The following PRKCB variants were observed in gnomAD, a reference collection of about 807,000 sequenced individuals.
PRKCB encodes protein kinase C beta.
PRKCB carries 13 observed loss-of-function variants against 81.5 expected under a neutral mutation model. That is an observed-to-expected ratio of 0.16 (90% CI 0.10 to 0.25). PRKCB has a LOEUF of 0.25. Ranked by LOEUF, PRKCB falls within the 10% of genes least tolerant of loss-of-function variation. The pLI, the probability that PRKCB is intolerant of heterozygous loss-of-function variation, is 1.00. For synonymous variants in PRKCB, 335 were observed against 321.4 expected (o/e 1.04, Z -0.45); for missense variants, 509 against 875.7 (o/e 0.58, Z 5.29).
chr16:24,087,021 A>C (rs1966318026), intron 5 of PRKCB, among the ~76,000 whole-genome samples: 1 of 152,014 alleles, frequency 6.6e-6, no homozygotes, highest in Non-Finnish European at 1.5e-5. Context: ...TTGGTTTAGC[A>C]TTTTCTCTAC....
chr16:24,065,108 T>A lies in PRKCB; in HGVS notation c.530-27683T>A, dbSNP rs139487590. On this transcript the variant is annotated intron_variant, in intron 5 of 16. Coordinates refer to ENST00000643927, the MANE Select transcript of PRKCB (RefSeq NM_002738.7). ...TTTCCCTTTCAGTCTTTCTGTAGCC[T>A]TACATTTAGAGTGTGTCTTTTATAA... 3.7e-3 allele frequency among the ~76,000 whole-genome samples: 549 copies of A among 149,974 alleles called. 1 individual carries two copies. The highest frequency in any genetic ancestry group is 0.012 in the African/African-American group (509 of 41,208).
At chr16:24,176,787 G>A (rs12448102) in intron 12 of PRKCB, among the ~76,000 whole-genome samples, 22,979 of 151,800 alleles carry the variant, frequency 0.15, 2,201 homozygotes, top group South Asian at 0.31. Context: ...CCAGCCACTC[G>A]GGAGGCTGAG....
In PRKCB at chr16:24,123,211, G is replaced by A. The variant is rs530912516; in HGVS notation, c.919-624G>A. On this transcript the variant is annotated intron_variant, in intron 8 of 16. Coordinates refer to ENST00000643927, the MANE Select transcript of PRKCB (RefSeq NM_002738.7). ...CATGAAAATGTGAACCCCAAGCTGG[G>A]TTGCTGAAGGGGAGAGAATAGCCAT... 3.9e-5 allele frequency among the ~76,000 whole-genome samples: 6 copies of A among 152,314 alleles called. No individual in the cohort carries two copies. The East Asian group carries it at 7.7e-4, about 20-fold the overall frequency.
At chr16:24,197,507 G>A (rs1424201240) in intron 16 of PRKCB, among the ~76,000 whole-genome samples, 3 of 152,050 alleles carry the variant, frequency 2.0e-5, no homozygotes, top group African/African-American at 7.3e-5. Context: ...AAGGAAAAGG[G>A]GGTGTGAGAT....
At chr16:23,945,267 G>C (rs772133129) in intron 2 of PRKCB, among the ~76,000 whole-genome samples, 1 of 152,210 alleles carries the variant, frequency 6.6e-6, no homozygotes, top group African/African-American at 2.4e-5. Context: ...TATGTGTGGT[G>C]AGTGTGGGTG....
chr16:24,082,175 T>G (rs1376664868), intron 5 of PRKCB, among the ~76,000 whole-genome samples: 1 of 152,188 alleles, frequency 6.6e-6, no homozygotes, highest in East Asian at 1.9e-4. Context: ...CTAGAATCTA[T>G]ATGCTAAAAA....
intron 2 of PRKCB, among the ~76,000 whole-genome samples, chr16:23,851,813 T>G (rs1202974249): frequency 2.6e-5 from 4 of 152,174 alleles, no homozygotes; most frequent in Non-Finnish European, 5.9e-5. Context: ...TTGGATACAT[T>G]TACACCTAAG....
intron 2 of PRKCB, among the ~76,000 whole-genome samples, chr16:23,911,127 G>GTTTTT (rs1567310884): frequency 8.5e-5 from 1 of 11,786 alleles, no homozygotes; most frequent in Non-Finnish European, 1.7e-4. Flanking sequence ...ACGTATATAT[G>GTTTTT]CTTTTTTTTT....
intron 8 of PRKCB, among the ~76,000 whole-genome samples, chr16:24,116,119 C>A (rs1966734921): frequency 6.6e-6 from 1 of 152,140 alleles, no homozygotes; most frequent in African/African-American, 2.4e-5. Context: ...AGTTCTAGGG[C>A]TCTAAATTGC....
intron 16 of PRKCB, among the ~76,000 whole-genome samples, chr16:24,213,723 C>A (rs1250051579): frequency 6.6e-6 from 1 of 152,146 alleles, no homozygotes; most frequent in African/African-American, 2.4e-5. Context: ...ACAAGGAACC[C>A]CAAATTAGCG....
intron 12 of PRKCB, among the ~76,000 whole-genome samples, chr16:24,177,994 C>T (rs1452056181): frequency 6.6e-6 from 1 of 152,002 alleles, no homozygotes; most frequent in East Asian, 1.9e-4. Flanking sequence ...AAATAAATTA[C>T]TTGACAAAAG....
chr16:23,875,503 ATATG>A lies in PRKCB; in HGVS notation c.205+38098_205+38101del, dbSNP rs796344610. 9.7e-4 allele frequency among the ~76,000 whole-genome samples: 28 copies of A among 28,928 alleles called. 2 individuals carry two copies. The highest frequency in any genetic ancestry group is 2.5e-3 in the South Asian group (3 of 1,208). The allele number at this position is 28,928 out of a possible 152,430, so 19.0% of individuals were successfully genotyped here. ...AAGATATATATATATATATATATAT[ATATG>A]ATGTATATCACACACATATGTGTAT... On this transcript the variant is annotated intron_variant, in intron 2 of 16. Transcript: ENST00000643927.
chr16:24,026,447 G>C (rs1965481513), intron 3 of PRKCB, among the ~76,000 whole-genome samples: 1 of 152,180 alleles, frequency 6.6e-6, no homozygotes. Context: ...TTGAATCCTT[G>C]TCTTGGAGAT....
intron 7 of PRKCB, among the ~76,000 whole-genome samples, chr16:24,106,077 A>G (rs1274683207): frequency 6.7e-6 from 1 of 148,608 alleles, no homozygotes; most frequent in East Asian, 1.9e-4. Context: ...TATTATTAAT[A>G]ATCACATTTT....
chr16:24,108,084 C>T lies in PRKCB; in HGVS notation c.822-4889C>T, dbSNP rs566333813. Among the ~76,000 whole-genome samples the T allele has an allele frequency of 7.2e-5, 11 of 152,122 alleles. No homozygotes were observed. In the South Asian group the frequency reaches 1.9e-3, roughly 26 times the overall value. The stretch of plus-strand genomic sequence containing the variant: ...TTAAAAAGGGGCAGGGGCAGGCTTT[C>T]GATTGAGAGCCTTTAGTAAGCAACA... On this transcript the variant is annotated intron_variant, in intron 7 of 16. Coordinates refer to ENST00000643927, the MANE Select transcript of PRKCB (RefSeq NM_002738.7).
chr16:24,173,147 G>A (rs1010878164), intron 11 of PRKCB, among the ~76,000 whole-genome samples: 9 of 152,210 alleles, frequency 5.9e-5, no homozygotes, highest in Admixed American at 2.0e-4. Flanking sequence ...CAAGGTGCTC[G>A]GTGGCAATGG....
intron 2 of PRKCB, among the ~76,000 whole-genome samples, chr16:23,900,718 GTTTTTTTTTTTTTTT>G (rs56897816): frequency 5.6e-4 from 35 of 62,274 alleles, no homozygotes; most frequent in African/African-American, 2.0e-3. Context: ...AGCTGCACAG[GTTTTTTTTTTTTTTT>G]TTTTTTTTTT....
rs778704504 is a variant in PRKCB, at chr16:24,154,680, C to T, written c.1066-4C>T. On this transcript the variant is annotated splice_polypyrimidine_tract_variant and splice_region_variant and intron_variant, in intron 9 of 16. Transcript: ENST00000643927. ...TGCCCTGACATGCTTGCTCTCTTTC[C>T]CAGGTCATGCTTTCAGAACGAAAAG... 6.2e-7 allele frequency: 1 copy of T among 1,614,032 alleles called. No individual in the cohort carries two copies. The highest frequency in any genetic ancestry group is 2.2e-5 in the East Asian group (1 of 44,890).
rs749083935 is a variant in PRKCB at position 24,123,818 on chromosome 16, G to T, written c.919-17G>T. 1 of 1,613,294 alleles carries T rather than the reference G, an allele frequency of 6.2e-7. No homozygotes were observed. Among genetic ancestry groups the T allele is most frequent in the Admixed American group, 1.7e-5 (1 of 59,912 alleles). On this transcript the variant is annotated splice_polypyrimidine_tract_variant and intron_variant, in intron 8 of 16. Coordinates refer to ENST00000643927, the MANE Select transcript of PRKCB (RefSeq NM_002738.7). ...CTCAAACCCTGAGCATGTTTTCTGT[G>T]TGCTTCCTTTTTGCAGAGGGCCAAG...
Sources: allele counts gnomAD v4.1 joint callset (sites outside exome capture counted in the v4.1 genomes callset), GRCh38; gene constraint gnomAD v4.1.1; transcripts MANE v1.5; gene names NCBI Gene and HGNC (gene_info 2026-07-23, HGNC 2026-07-21).